Variants in COX10 observed in about 807,000 individuals in gnomAD.
The protein encoded by COX10 is cytochrome c oxidase assembly factor heme A:farnesyltransferase COX10.
Under a neutral mutation model 37.3 loss-of-function variants are expected in COX10, and 27 were observed. The ratio of observed to expected loss-of-function variants is 0.72; its 90% CI spans 0.53 to 1.00. The LOEUF (loss-of-function observed/expected upper bound fraction) is 1.00. Among genes scored for constraint, COX10 ranks in the 50% least tolerant of loss-of-function variants. The pLI is 0.00. For synonymous variants in COX10, 222 were observed against 229.1 expected (o/e 0.97, Z 0.28); for missense variants, 475 against 563.2 (o/e 0.84, Z 1.59).
chr17:14,105,986 T>C (rs1438183462), intron 4 of COX10, among the ~76,000 whole-genome samples: 2 of 149,650 alleles, frequency 1.3e-5, no homozygotes, highest in Non-Finnish European at 3.0e-5. Context: ...CATCTCGCCA[T>C]GTCAGTATTT....
intron 6 of COX10, among the ~76,000 whole-genome samples, chr17:14,198,665 C>T (rs1328580459): frequency 6.6e-6 from 1 of 152,130 alleles, no homozygotes; most frequent in Non-Finnish European, 1.5e-5. Context: ...TTTTTTTACC[C>T]TCAGCTGGTA....
rs1418802352 is a variant in COX10, at chr17:14,207,488, C to T, written c.*275C>T. On this transcript the variant is annotated 3_prime_UTR_variant, in exon 7 of 7. Coordinates refer to ENST00000261643, the MANE Select transcript of COX10 (RefSeq NM_001303.4). ...CTCTCCTCCAACCCCACCCTCTATT[C>T]TGTTTCTTCCTCCTCACATGGGGGT... 4 of 427,996 alleles carry T rather than the reference C, an allele frequency of 9.3e-6. No individual in the cohort carries two copies. Among genetic ancestry groups the T allele is most frequent in the Admixed American group, 4.0e-5 (1 of 25,232 alleles). The allele number at this position is 427,996 out of a possible 1,614,324, so 26.5% of individuals were successfully genotyped here.
At chr17:14,085,366 C>A (rs1172476953) in intron 3 of COX10, among the ~76,000 whole-genome samples, 1 of 152,106 alleles carries the variant, frequency 6.6e-6, no homozygotes, top group Non-Finnish European at 1.5e-5. Context: ...CCTCATACTT[C>A]CTCATCAATA....
chr17:14,115,344 C>T (rs527401938), intron 4 of COX10, among the ~76,000 whole-genome samples: 1 of 152,032 alleles, frequency 6.6e-6, no homozygotes, highest in African/African-American at 2.4e-5. Flanking sequence ...GTAATAATCA[C>T]CAGTCAGAGT....
chr17:14,151,526 AACACACACACACACACACACACACACAC>A (rs58412592), intron 4 of COX10, among the ~76,000 whole-genome samples: 1 of 144,646 alleles, frequency 6.9e-6, no homozygotes, highest in East Asian at 2.0e-4. Context: ...TTCCTGAACT[AACACACACACACACACACACACACACAC>A]ACACACACAC....
intron 4 of COX10, among the ~76,000 whole-genome samples, chr17:14,142,015 C>T (rs758601179): frequency 8.5e-5 from 13 of 152,054 alleles, no homozygotes; most frequent in African/African-American, 1.2e-4. Context: ...AAAATTTCTC[C>T]GGGATCAGGT....
intron 4 of COX10, among the ~76,000 whole-genome samples, chr17:14,137,116 G>C (rs1234940639): frequency 2.0e-5 from 3 of 151,802 alleles, no homozygotes; most frequent in Admixed American, 1.3e-4. Context: ...TCTCACTGTT[G>C]GTGAAACTAA....
In COX10 at chr17:14,160,261, G is replaced by A. The variant is rs532822584; in HGVS notation, c.695+314G>A. 3.9e-5 allele frequency among the ~76,000 whole-genome samples: 6 copies of A among 152,084 alleles called. No homozygotes were observed. The East Asian group carries it at 9.6e-4, about 24-fold the overall frequency. On this transcript the variant is annotated intron_variant, in intron 5 of 6. Transcript: ENST00000261643. ...CTGAAGATAAAAACATTGCATTAAC[G>A]CAAATGATCTTCAGACAAATCCATC...
chr17:14,142,049 C>G (rs1425172141), intron 4 of COX10, among the ~76,000 whole-genome samples: 1 of 152,130 alleles, frequency 6.6e-6, no homozygotes. Context: ...TTAACATCGT[C>G]ATTGCTTATG....
At chr17:14,116,277 A>T (rs1187356056) in intron 4 of COX10, among the ~76,000 whole-genome samples, 1 of 152,170 alleles carries the variant, frequency 6.6e-6, no homozygotes, top group Non-Finnish European at 1.5e-5. Context: ...AATTCAAGAA[A>T]TAATTCCTAA....
chr17:14,112,231 A>C (rs1916018474), intron 4 of COX10, among the ~76,000 whole-genome samples: 1 of 152,154 alleles, frequency 6.6e-6, no homozygotes, highest in Non-Finnish European at 1.5e-5. Flanking sequence ...TTCAGGCTTT[A>C]AGACTTTAAT....
rs560472949 is a variant in COX10 at position 14,077,376 on chromosome 17, G to A, written c.499+320G>A. Reference sequence around the variant, plus strand: ...GCTGTAAAAATGCATAAGATAATAGGTTTTGTCAACTTGAGTTCTGGAATG... The same window carrying A: ...GCTGTAAAAATGCATAAGATAATAGATTTTGTCAACTTGAGTTCTGGAATG... On this transcript the variant is annotated intron_variant, in intron 3 of 6. Transcript: ENST00000261643. 50 of 308,044 alleles carry A rather than the reference G, an allele frequency of 1.6e-4. 1 individual carries two copies. The highest frequency in any genetic ancestry group is 1.0e-3 in the African/African-American group (46 of 45,144). The allele number at this position is 308,044 out of a possible 1,614,324, so 19.1% of individuals were successfully genotyped here.
intron 5 of COX10, among the ~76,000 whole-genome samples, chr17:14,166,421 G>A (rs541368841): frequency 2.6e-5 from 4 of 152,260 alleles, no homozygotes; most frequent in African/African-American, 9.6e-5. Flanking sequence ...ACATCTGATT[G>A]CAACATGGTT....
At chr17:14,134,772 C>T (rs1052046173) in intron 4 of COX10, among the ~76,000 whole-genome samples, 7 of 149,942 alleles carry the variant, frequency 4.7e-5, no homozygotes, top group South Asian at 2.1e-4. Context: ...TAATTGCCCT[C>T]GGTGTTTTTT....
At chr17:14,119,452 C>T (rs570633039) in intron 4 of COX10, among the ~76,000 whole-genome samples, 1 of 152,230 alleles carries the variant, frequency 6.6e-6, no homozygotes, top group East Asian at 1.9e-4. Flanking sequence ...CTGCCACGAT[C>T]TTTGCTCTCA....
chr17:14,185,066 C>T lies in COX10; in HGVS notation c.696-6923C>T, dbSNP rs560711927. Among the ~76,000 whole-genome samples the T allele has an allele frequency of 1.0e-3, 157 of 150,976 alleles. 1 individual carries two copies. Among genetic ancestry groups the T allele is most frequent in the African/African-American group, 3.7e-3 (153 of 41,044 alleles). ...TTCTCCTCATCTTGCTTCTAGAAAC[C>T]AGATGTCAGAGTAACACTTGAACTG... On this transcript the variant is annotated intron_variant, in intron 5 of 6. Coordinates refer to ENST00000261643, the MANE Select transcript of COX10 (RefSeq NM_001303.4).
chr17:14,070,437 T>TC (rs1914994157), intron 1 of COX10, among the ~76,000 whole-genome samples: 1 of 152,228 alleles, frequency 6.6e-6, no homozygotes, highest in African/African-American at 2.4e-5. Context: ...AGGGACAGTG[T>TC]CCATCTCTGG....
rs1915167850 is a variant in COX10 at position 14,076,906 on chromosome 17, G to C, written c.349G>C (p.Glu117Gln). Residue 117 changes from glutamate to glutamine, a missense_variant, in exon 3 of 7, where the codon GAA becomes CAA. Transcript: ENST00000261643. ...TTTGTCCAGAAAGCCAAATGAAAAG[G>C]AATTGATAGAACTAGAGCCAGACTC... Reference protein sequence around the residue: ...LSLSRKPNEKELIELEPDSVI... With the variant: ...LSLSRKPNEKQLIELEPDSVI... 1 of 1,613,990 alleles carries C rather than the reference G, an allele frequency of 6.2e-7. No homozygotes were observed. The highest frequency in any genetic ancestry group is 1.3e-5 in the African/African-American group (1 of 74,904).
At chr17:14,196,634 T>A (rs541466962) in intron 6 of COX10, among the ~76,000 whole-genome samples, 1 of 152,168 alleles carries the variant, frequency 6.6e-6, no homozygotes, top group African/African-American at 2.4e-5. Flanking sequence ...TTTACCAGTG[T>A]GCTGCAGGTT....
Sources: gnomAD v4.1 joint callset for allele counts (sites outside exome capture counted in the v4.1 genomes callset) on GRCh38, gnomAD v4.1.1 for gene constraint, MANE v1.5 for transcripts, NCBI Gene and HGNC (gene_info 2026-07-23, HGNC 2026-07-21) for gene names.